The following MACROD2 variants were observed in gnomAD, a reference collection of about 807,000 sequenced individuals.
The protein encoded by MACROD2 is ADP-ribose glycohydrolase MACROD2.
A neutral mutation model predicts 70.4 loss-of-function variants in MACROD2; 36 were observed. The ratio of observed to expected loss-of-function variants is 0.51; its 90% CI spans 0.39 to 0.68. MACROD2 has a LOEUF of 0.68. Among genes scored for constraint, MACROD2 ranks in the 30% least tolerant of loss-of-function variants. The probability of loss-of-function intolerance (pLI) is 0.00; values close to 1 mark genes in which losing one functional copy is unlikely to be tolerated. For synonymous variants in MACROD2, 172 were observed against 178.8 expected (o/e 0.96, Z 0.30); for missense variants, 496 against 538.4 (o/e 0.92, Z 0.78).
chr20:14,810,251 C>T (rs538700378), intron 5 of MACROD2, among the ~76,000 whole-genome samples: 4 of 152,088 alleles, frequency 2.6e-5, no homozygotes, highest in East Asian at 1.9e-4. Context: ...ATGATCAAGT[C>T]GGCTTCATCC....
intron 6 of MACROD2, among the ~76,000 whole-genome samples, chr20:15,319,455 C>T (rs900114031): frequency 2.0e-5 from 3 of 152,146 alleles, no homozygotes; most frequent in African/African-American, 7.2e-5. Context: ...GAGAAAGTCA[C>T]CTACTAGAAT....
At chr20:15,115,934 C>T (rs961463108) in intron 5 of MACROD2, among the ~76,000 whole-genome samples, 39 of 151,934 alleles carry the variant, frequency 2.6e-4, no homozygotes, top group African/African-American at 9.4e-4. Context: ...ACTTCTATTT[C>T]CTGGCTGGAA....
intron 5 of MACROD2, among the ~76,000 whole-genome samples, chr20:15,157,674 C>T (rs799172): frequency 0.61 from 92,818 of 151,590 alleles, 28,583 homozygotes; most frequent in African/African-American, 0.66. Flanking sequence ...CACTTCATCC[C>T]TTGACACACT....
chr20:13,997,068 A>G (rs1012777991), intron 1 of MACROD2, among the ~76,000 whole-genome samples: 3 of 152,212 alleles, frequency 2.0e-5, no homozygotes, highest in Admixed American at 6.5e-5. Flanking sequence ...GCACGAACAA[A>G]GGCGTGAGGA....
chr20:15,347,573 A>G (rs1033006776), intron 6 of MACROD2, among the ~76,000 whole-genome samples: 1 of 152,226 alleles, frequency 6.6e-6, no homozygotes, highest in Admixed American at 6.5e-5. Context: ...CTTTTAAGAC[A>G]TGATCACTCC....
At chr20:14,805,696 T>A (rs2122155098) in intron 5 of MACROD2, among the ~76,000 whole-genome samples, 1 of 152,178 alleles carries the variant, frequency 6.6e-6, no homozygotes, top group Non-Finnish European at 1.5e-5. Flanking sequence ...CCAGCCATAG[T>A]GGGTGAACAA....
chr20:15,207,544 G>C (rs1471454867), intron 5 of MACROD2, among the ~76,000 whole-genome samples: 2 of 145,262 alleles, frequency 1.4e-5, no homozygotes, highest in Non-Finnish European at 1.5e-5. Flanking sequence ...CCAGGTTCAA[G>C]TGACTCTCCT....
chr20:14,993,055 C>T (rs2074918977), intron 5 of MACROD2, among the ~76,000 whole-genome samples: 1 of 152,164 alleles, frequency 6.6e-6, no homozygotes, highest in Non-Finnish European at 1.5e-5. Context: ...CTCCCTCTTT[C>T]TCCCTTCTCT....
chr20:15,706,598 G>A (rs6079932), intron 8 of MACROD2, among the ~76,000 whole-genome samples: 1 of 152,112 alleles, frequency 6.6e-6, no homozygotes, highest in Non-Finnish European at 1.5e-5. Flanking sequence ...TCATAGAAAA[G>A]GAATTTTACA....
intron 3 of MACROD2, among the ~76,000 whole-genome samples, chr20:14,274,740 A>G (rs2082233606): frequency 1.3e-5 from 2 of 152,142 alleles, no homozygotes; most frequent in Non-Finnish European, 2.9e-5. Context: ...TTGTATATGT[A>G]GAAAACCCCA....
chr20:15,144,809 C>T (rs6135346), intron 5 of MACROD2, among the ~76,000 whole-genome samples: 9,157 of 152,222 alleles, frequency 0.06, 419 homozygotes, highest in East Asian at 0.25. Context: ...ACTGGAAAAG[C>T]GGTTGCTGTC....
At chr20:15,946,793 G>A (rs999206276) in intron 12 of MACROD2, among the ~76,000 whole-genome samples, 1 of 152,178 alleles carries the variant, frequency 6.6e-6, no homozygotes, top group Non-Finnish European at 1.5e-5. Flanking sequence ...CCAGCACTCA[G>A]CACACGGAGG....
chr20:15,865,531 G>A (rs559965838), intron 9 of MACROD2, among the ~76,000 whole-genome samples: 3 of 152,106 alleles, frequency 2.0e-5, no homozygotes, highest in Non-Finnish European at 4.4e-5. Flanking sequence ...CCTGTGCTGT[G>A]GTTCCATTGT....
At chr20:14,981,611 T>C (rs2074801675) in intron 5 of MACROD2, among the ~76,000 whole-genome samples, 1 of 152,048 alleles carries the variant, frequency 6.6e-6, no homozygotes, top group Admixed American at 6.6e-5. Context: ...GTTCTTGTGA[T>C]AGTGAATAAG....
At chr20:15,146,066 C>G (rs903381806) in intron 5 of MACROD2, among the ~76,000 whole-genome samples, 2 of 152,022 alleles carry the variant, frequency 1.3e-5, no homozygotes, top group Admixed American at 6.5e-5. Flanking sequence ...CATTTATTCC[C>G]AATCTTTGAG....
chr20:15,764,316 T>C (rs1228388021), intron 8 of MACROD2, among the ~76,000 whole-genome samples: 1 of 152,234 alleles, frequency 6.6e-6, no homozygotes, highest in Non-Finnish European at 1.5e-5. Flanking sequence ...AAGTTCTGAT[T>C]ACTTGACCAT....
At chr20:14,050,040 C>T (rs1391486228) in intron 2 of MACROD2, among the ~76,000 whole-genome samples, 2 of 150,208 alleles carry the variant, frequency 1.3e-5, no homozygotes, top group Non-Finnish European at 3.0e-5. Flanking sequence ...GAGCCGAGAT[C>T]GCACCATTGC....
chr20:15,918,219 G>A (rs6110829), intron 10 of MACROD2, among the ~76,000 whole-genome samples: 4,728 of 152,202 alleles, frequency 0.031, 155 homozygotes, highest in African/African-American at 0.079. Flanking sequence ...GGCGTTAATA[G>A]GACAGACTTT....
chr20:15,385,809 ATTAT>A (rs1409443123), intron 6 of MACROD2, among the ~76,000 whole-genome samples: 2 of 152,182 alleles, frequency 1.3e-5, no homozygotes, highest in African/African-American at 4.8e-5. Context: ...TAATCCTAAA[ATTAT>A]TTATTTAAGT....
Sources: gnomAD v4.1 joint callset for allele counts (sites outside exome capture counted in the v4.1 genomes callset) on GRCh38, gnomAD v4.1.1 for gene constraint, MANE v1.5 for transcripts, NCBI Gene and HGNC (gene_info 2026-07-23, HGNC 2026-07-21) for gene names.